ATP13A1: variants seen among roughly 807,000 people sequenced by gnomAD.
The protein encoded by ATP13A1 is endoplasmic reticulum transmembrane helix translocase.
A neutral mutation model predicts 134.8 loss-of-function variants in ATP13A1; 55 were observed. The ratio of observed to expected loss-of-function variants is 0.41; its 90% CI spans 0.33 to 0.51. The LOEUF is 0.51. ATP13A1 is among the 20% of genes least tolerant of loss of function. ATP13A1 has a pLI of 0.29. For missense variants in ATP13A1, 1,389 were observed against 1,652.8 expected (o/e 0.84, Z 2.77); for synonymous variants, 775 against 725.1 (o/e 1.07, Z -1.10).
At chr19:19,646,610 TC>T (rs2061987828) in intron 22 of ATP13A1, 5 of 530,672 alleles carry the variant, frequency 9.4e-6, no homozygotes. Flanking sequence ...ATGAAGCAGA[TC>T]CTGCCCTCCC....
chr19:19,659,820 G>A (rs1343015960), intron 2 of ATP13A1, 29 bp from the exon 3 acceptor site: 3 of 1,609,032 alleles, frequency 1.9e-6, no homozygotes, highest in South Asian at 1.1e-5. Flanking sequence ...TTGCCACAGA[G>A]GCCCCTGACC....
intron 17 of ATP13A1, 141 bp downstream of exon 17, chr19:19,651,548 G>A: frequency 1.7e-6 from 1 of 603,726 alleles, no homozygotes; most frequent in South Asian, 2.2e-5. Flanking sequence ...GTGCCCAGTG[G>A]GCCAGGGCTG....
intron 1 of ATP13A1, chr19:19,662,437 G>C (rs2062100680): frequency 1.1e-6 from 1 of 903,508 alleles, no homozygotes; most frequent in African/African-American, 1.8e-5. Context: ...CACACTCCTG[G>C]AATCAGAGGG....
intron 1 of ATP13A1, among the ~76,000 whole-genome samples, chr19:19,660,217 C>A (rs984146429): frequency 2.6e-5 from 4 of 152,230 alleles, no homozygotes; most frequent in African/African-American, 9.6e-5. Flanking sequence ...CACGGTGACT[C>A]ACACCCATAA....
intron 17 of ATP13A1, 32 bp downstream of exon 17, chr19:19,651,657 C>T: frequency 1.9e-6 from 3 of 1,570,656 alleles, no homozygotes; most frequent in Non-Finnish European, 2.6e-6. Context: ...CAGGGTCCCC[C>T]TTCCCCACTG....
rs71172506 is a variant in ATP13A1 at position 19,648,807 on chromosome 19, C to CAAAAAAAA, written c.2632+752_2632+759dup. Among the ~76,000 whole-genome samples, 3 of 40,300 alleles carry CAAAAAAAA rather than the reference C, an allele frequency of 7.4e-5. 1 individual carries two copies. Among genetic ancestry groups the CAAAAAAAA allele is most frequent in the Middle Eastern group, 0.023 (1 of 44 alleles). 26.4% of individuals were successfully genotyped at this position (40,300 alleles called of 152,430 possible). A position where few individuals can be genotyped will look rare whatever the true frequency, so the allele number is the denominator to read the frequency against. On this transcript the variant is annotated intron_variant, in intron 19 of 25. Transcript: ENST00000357324. ...CTGGGCAACAAGAGAGAAACTGTCT[C>CAAAAAAAA]AAAAAAAAAAAAAAAAAAAAAAGGC...
rs750059682 is a variant in ATP13A1 at position 19,655,940 on chromosome 19, AG to A, written c.1214-8del. 1 of 1,603,680 alleles carries A rather than the reference AG, an allele frequency of 6.2e-7. No individual in the cohort carries two copies. Among genetic ancestry groups the A allele is most frequent in the South Asian group, 1.1e-5 (1 of 90,208 alleles). ...ACGCACCCGCTGTCAACCGCTGGGG[AG>A]AGAAGCAGAGTCACCGTCATGCCTG... On this transcript the variant is annotated splice_polypyrimidine_tract_variant and splice_region_variant and intron_variant, in intron 8 of 25. Coordinates refer to ENST00000357324, the MANE Select transcript of ATP13A1 (RefSeq NM_020410.3). The surrounding 1 kb of genome is among the most constrained non-coding windows in gnomAD (Gnocchi z 5.7).
At position 19,647,138 on chromosome 19, in the gene ATP13A1, G is replaced by A; in HGVS notation, c.3096C>T (p.Ser1032=). 1 of 1,612,392 alleles carries A rather than the reference G, an allele frequency of 6.2e-7. No individual in the cohort carries two copies. Among genetic ancestry groups the A allele is most frequent in the Non-Finnish European group, 8.5e-7 (1 of 1,179,034 alleles). ...LLLAGCFLFI[S]RSKPLKTLSR... is the part of the protein sequence containing the mutation. Reference sequence around the variant, plus strand: ...CACCTCTGGGGCCCACCTTGGAACGGGAGATGAAGAGGAAGCAGCCGGCCA... The same window carrying A: ...CACCTCTGGGGCCCACCTTGGAACGAGAGATGAAGAGGAAGCAGCCGGCCA... The change falls in exon 22 of 26, where the codon TCC becomes TCT. Residue 1032 remains serine (S), a synonymous_variant. Coordinates refer to ENST00000357324, the MANE Select transcript of ATP13A1 (RefSeq NM_020410.3). The surrounding 1 kb of genome is among the most constrained non-coding windows in gnomAD (Gnocchi z 4.8).
At position 19,651,768 on chromosome 19, in the gene ATP13A1, G is replaced by T; in HGVS notation, c.2256C>A (p.Leu752=). The T allele has an allele frequency of 1.9e-6, 3 of 1,613,266 alleles. No individual in the cohort carries two copies. Among genetic ancestry groups the T allele is most frequent in the Non-Finnish European group, 2.5e-6 (3 of 1,179,582 alleles). The change falls in exon 17 of 26, where the codon CTC becomes CTA. Residue 752 remains leucine, a synonymous_variant. Coordinates refer to ENST00000357324, the MANE Select transcript of ATP13A1 (RefSeq NM_020410.3). ...GCTCCTGGGCCACGTGGCATGCAGT[G>T]AGCGGGTTGTCTCCCGTGATCATGA... ...RVVMITGDNP[L]TACHVAQELH...
chr19:19,647,485 G>A lies in ATP13A1; in HGVS notation c.2837C>T (p.Thr946Met), dbSNP rs140002932. ...GGCATCCCCCAGTTTCACAATGGGC[G>A]TACTCTCGTCCTCGAGGTCTCGCAG... ...QVLRDLEDES[T>M]PIVKLGDASI... The change falls in exon 21 of 26, where the codon ACG (threonine) becomes ATG (methionine). Residue 946 changes from threonine (T) to methionine (M), a missense_variant. Around this residue, in one of 4 missense-constraint regions of ATP13A1, gnomAD observed 121 missense variants for 104.9 expected, o/e 1.15. Coordinates refer to ENST00000357324, the MANE Select transcript of ATP13A1 (RefSeq NM_020410.3). The surrounding 1 kb of genome is among the most constrained non-coding windows in gnomAD (Gnocchi z 4.8). 1.7e-5 allele frequency: 27 copies of A among 1,613,202 alleles called. No homozygotes were observed. Among genetic ancestry groups the A allele is most frequent in the Middle Eastern group, 1.6e-4 (1 of 6,084 alleles).
At position 19,645,681 on chromosome 19, in the gene ATP13A1, T is replaced by C. The variant is rs747153287; in HGVS notation, c.3470A>G (p.Asn1157Ser). ...GATGTCCACGAGGCCAAACTGGCTGTTGAAGTCGGGCGAGGAGCCGAGGAG... is the reference window on the plus strand; with the variant it reads ...GATGTCCACGAGGCCAAACTGGCTGCTGAAGTCGGGCGAGGAGCCGAGGAG... ...GLLLGSSPDFNSQFGLVDIPV... is the reference protein window; with the variant it reads ...GLLLGSSPDFSSQFGLVDIPV... Residue 1157 changes from asparagine to serine, a missense_variant, in exon 25 of 26, where the codon AAC becomes AGC. By Grantham distance (46) the Asn-to-Ser change is conservative (BLOSUM62 1). This residue lies in a region of ATP13A1 where 228 missense variants were observed against 321.0 expected (regional missense o/e 0.71). Coordinates refer to ENST00000357324, the MANE Select transcript of ATP13A1 (RefSeq NM_020410.3). This position sits in a 1 kb window ranked among gnomAD's most constrained non-coding sequence, Gnocchi z 4.1. 16 of 1,575,432 alleles carry C rather than the reference T, an allele frequency of 1.0e-5. No homozygotes were observed. Among genetic ancestry groups the C allele is most frequent in the African/African-American group, 9.4e-5 (7 of 74,168 alleles).
rs374539785 is a variant in ATP13A1 at position 19,653,845 on chromosome 19, C to T, written c.2039G>A (p.Arg680Gln). The T allele has an allele frequency of 6.8e-5, 107 of 1,564,174 alleles. No individual in the cohort carries two copies. Among genetic ancestry groups the T allele is most frequent in the Non-Finnish European group, 8.3e-5 (96 of 1,154,926 alleles). ...CAGCGCCAGGACGCGGGCTCCTTCC[C>T]GGGAGATCTCGGTGTGGATGTGGTG... ...DYHHIHTEIS[R>Q]EGARVLALGY... The change falls in exon 15 of 26, where the codon CGG becomes CAG. Residue 680 changes from arginine (R) to glutamine (Q), a missense_variant. By Grantham distance (43) the Arg-to-Gln change is conservative. Transcript: ENST00000357324. This position sits in a 1 kb window ranked among gnomAD's most constrained non-coding sequence, Gnocchi z 4.2.
Position 19,656,305 on chromosome 19 carries a change from C to T in ATP13A1, c.1084-122G>A. 1 of 1,335,972 alleles carries T rather than the reference C, an allele frequency of 7.5e-7. No homozygotes were observed. Among genetic ancestry groups the T allele is most frequent in the Middle Eastern group, 2.7e-4 (1 of 3,640 alleles). The allele number at this position is 1,335,972 out of a possible 1,614,324, so 82.8% of individuals were successfully genotyped here. On this transcript the variant is annotated intron_variant, in intron 7 of 25. Coordinates refer to ENST00000357324, the MANE Select transcript of ATP13A1 (RefSeq NM_020410.3). This position sits in a 1 kb window ranked among gnomAD's most constrained non-coding sequence, Gnocchi z 4.6. ...CAGGGGGATCCCCACCCGACCAATA[C>T]ATCCCACCCAGCTCCCAGATCCTCA...
intron 3 of ATP13A1, among the ~76,000 whole-genome samples, chr19:19,658,952 T>G (rs997911127): frequency 6.6e-6 from 1 of 151,966 alleles, no homozygotes; most frequent in African/African-American, 2.4e-5. Flanking sequence ...AAATAAACAT[T>G]TTAAAAGAAT....
At chr19:19,658,033 C>T (rs1438200259) in intron 3 of ATP13A1, among the ~76,000 whole-genome samples, 1 of 150,308 alleles carries the variant, frequency 6.7e-6, no homozygotes, top group African/African-American at 2.5e-5. Context: ...CCTGTGGTCC[C>T]AGCTATTTGG....
Position 19,657,406 on chromosome 19 carries a change from G to T in ATP13A1, c.680C>A (p.Ala227Asp). The T allele has an allele frequency of 6.4e-7, 1 of 1,565,098 alleles. No individual in the cohort carries two copies. Among genetic ancestry groups the T allele is most frequent in the Non-Finnish European group, 8.7e-7 (1 of 1,154,514 alleles). Residue 227 changes from alanine to aspartate, a missense_variant and splice_region_variant, in exon 4 of 26, where the codon GCC (alanine) becomes GAC (aspartate). By Grantham distance (126) the Ala-to-Asp change is moderately radical. Transcript: ENST00000357324. Reference sequence around the variant, plus strand: ...CGAGAAGTCAGGCACCACCATCTCGGCCCTGCAAGAGACCAGGCCCCATCC... The same window carrying T: ...CGAGAAGTCAGGCACCACCATCTCGTCCCTGCAAGAGACCAGGCCCCATCC... ...AAEKKFGSNK[A>D]EMVVPDFSEL...
chr19:19,649,487 G>T (rs2062010031), intron 19 of ATP13A1, 80 bp downstream of exon 19: 2 of 1,455,878 alleles, frequency 1.4e-6, no homozygotes, highest in South Asian at 2.4e-5. Context: ...GTCACCAAGG[G>T]CCAGGTCTGT....
chr19:19,654,114 G>A lies in ATP13A1; in HGVS notation c.1844C>T (p.Thr615Ile). 2 of 1,592,068 alleles carry A rather than the reference G, an allele frequency of 1.3e-6. No individual in the cohort carries two copies. The highest frequency in any genetic ancestry group is 1.7e-6 in the Non-Finnish European group (2 of 1,169,406). Reference protein sequence around the residue: ...DEKVFPRSIKTQGLKIHQRFH... With the variant: ...DEKVFPRSIKIQGLKIHQRFH... Reference sequence around the variant, plus strand: ...GCGCTGGTGAATTTTCAGCCCCTGAGTTTTAATACTTCGGGGGAATACTTT... The same window carrying A: ...GCGCTGGTGAATTTTCAGCCCCTGAATTTTAATACTTCGGGGGAATACTTT... Residue 615 changes from threonine to isoleucine, a missense_variant, in exon 14 of 26, where the codon ACT (threonine) becomes ATT (isoleucine). Thr to Ile is a moderately conservative substitution (Grantham distance 89, BLOSUM62 -1). This residue lies in a region of ATP13A1 where 747 missense variants were observed against 956.1 expected (regional missense o/e 0.78). Transcript: ENST00000357324.
chr19:19,654,007 C>T lies in ATP13A1; in HGVS notation c.1951G>A (p.Ala651Thr), dbSNP rs1256012067. The T allele has an allele frequency of 6.9e-6, 11 of 1,598,820 alleles. No individual in the cohort carries two copies. Among genetic ancestry groups the T allele is most frequent in the East Asian group, 2.3e-5 (1 of 44,264 alleles). The change falls in exon 14 of 26, where the codon GCG becomes ACG. Residue 651 changes from alanine (A) to threonine (T), a missense_variant. Physicochemically the swap from Ala to Thr is moderately conservative, Grantham distance 58. Around this residue, in one of 4 missense-constraint regions of ATP13A1, gnomAD observed 747 missense variants for 956.1 expected, o/e 0.78. Transcript: ENST00000357324. ...KLGSTDLCYI[A>T]AVKGAPETLH... is the part of the protein sequence containing the mutation. ...GTTTCGGGGGCCCCCTTCACGGCCG[C>T]GATGTAGCAGAGGTCGGTGGAGCCC... is the stretch of plus-strand genomic sequence containing the variant.
Sources: allele counts gnomAD v4.1 joint callset (sites outside exome capture counted in the v4.1 genomes callset), GRCh38; gene constraint gnomAD v4.1.1; regional missense constraint gnomAD v4.1.1; non-coding constraint Gnocchi (gnomAD v3.1); transcripts MANE v1.5; gene names NCBI Gene and HGNC (gene_info 2026-07-23, HGNC 2026-07-21).